The following PJA2 variants were observed in gnomAD, a reference collection of about 807,000 sequenced individuals.
PJA2 encodes the protein E3 ubiquitin-protein ligase Praja-2.
A neutral mutation model predicts 69.3 loss-of-function variants in PJA2; 25 were observed. That is an observed-to-expected ratio of 0.36 (90% CI 0.26 to 0.50). The LOEUF is 0.50. Among genes scored for constraint, PJA2 ranks in the 20% least tolerant of loss-of-function variants. The probability of loss-of-function intolerance (pLI) is 0.96; values close to 1 mark genes in which losing one functional copy is unlikely to be tolerated. For missense variants in PJA2, 809 were observed against 830.2 expected, an observed-to-expected ratio of 0.97 and a Z score of 0.31; for synonymous variants, 308 against 277.8, an observed-to-expected ratio of 1.11 and a Z score of -1.08.
At chr5:109,376,446 T>C (rs1746889982) in intron 4 of PJA2, among the ~76,000 whole-genome samples, 1 of 151,874 alleles carries the variant, frequency 6.6e-6, no homozygotes, top group Non-Finnish European at 1.5e-5. Context: ...CAATTTAAAA[T>C]CAAGGAGCCA....
At chr5:109,354,276 ATAGAT>A (rs1762357365) in intron 7 of PJA2, among the ~76,000 whole-genome samples, 1 of 148,146 alleles carries the variant, frequency 6.8e-6, no homozygotes, top group Non-Finnish European at 1.5e-5. Flanking sequence ...AGAGATATCT[ATAGAT>A]TAGATATCTA....
chr5:109,349,617 C>A (rs977895380), intron 7 of PJA2, among the ~76,000 whole-genome samples: 1 of 152,150 alleles, frequency 6.6e-6, no homozygotes, highest in Admixed American at 6.5e-5. Flanking sequence ...GCAAGTTTCA[C>A]CAGCACATAC....
At chr5:109,398,237 A>T (rs549172241) in intron 1 of PJA2, among the ~76,000 whole-genome samples, 2 of 152,272 alleles carry the variant, frequency 1.3e-5, no homozygotes, top group South Asian at 2.1e-4. Flanking sequence ...AAGGATCTAG[A>T]ATTAGAAATA....
intron 9 of PJA2, among the ~76,000 whole-genome samples, chr5:109,342,357 C>A (rs1325326638): frequency 1.6e-5 from 2 of 123,066 alleles, no homozygotes; most frequent in African/African-American, 6.4e-5. Context: ...CGGCCAGCCG[C>A]CCCGTCCGGG....
chr5:109,403,075 A>G (rs898851161), intron 1 of PJA2, among the ~76,000 whole-genome samples: 1 of 152,126 alleles, frequency 6.6e-6, no homozygotes, highest in Non-Finnish European at 1.5e-5. Flanking sequence ...AAAGCAATCA[A>G]ATAAAAAGTT....
Position 109,344,837 on chromosome 5 carries a change from C to G in PJA2, c.1765-18G>C. ...AGAGCAGTCTGAAAAACAAAAGGTACAGTTCTTTGTTAGAAATACTTTAAA... is the reference window on the plus strand; with the variant it reads ...AGAGCAGTCTGAAAAACAAAAGGTAGAGTTCTTTGTTAGAAATACTTTAAA... On this transcript the variant is annotated intron_variant, in intron 7 of 9. Coordinates refer to ENST00000361189, the MANE Select transcript of PJA2 (RefSeq NM_014819.5). The G allele has an allele frequency of 6.6e-7, 1 of 1,515,540 alleles. No individual in the cohort carries two copies. The highest frequency in any genetic ancestry group is 9.1e-7 in the Non-Finnish European group (1 of 1,098,628). The allele number at this position is 1,515,540 out of a possible 1,614,324, so 93.9% of individuals were successfully genotyped here.
intron 1 of PJA2, chr5:109,390,757 TCC>T (rs1747264290): frequency 6.6e-6 from 1 of 152,164 alleles, no homozygotes; most frequent in Admixed American, 6.5e-5. Flanking sequence ...TTAGTGGTTT[TCC>T]TAGAAATTAC....
At chr5:109,400,659 T>C (rs970600196) in intron 1 of PJA2, among the ~76,000 whole-genome samples, 4 of 152,124 alleles carry the variant, frequency 2.6e-5, no homozygotes, top group African/African-American at 9.7e-5. Context: ...TATCCCAAGA[T>C]GTTAACATCT....
intron 1 of PJA2, among the ~76,000 whole-genome samples, chr5:109,388,854 C>G (rs964672642): frequency 6.6e-6 from 1 of 152,234 alleles, no homozygotes; most frequent in Non-Finnish European, 1.5e-5. Flanking sequence ...TTAACTTACC[C>G]TGCATTTCCT....
intron 3 of PJA2, among the ~76,000 whole-genome samples, chr5:109,380,804 CAAA>C (rs34675958): frequency 1.5e-4 from 13 of 88,728 alleles, no homozygotes; most frequent in African/African-American, 4.8e-4. Context: ...GATTCCATCT[CAAA>C]AAAAAAAAAA....
intron 9 of PJA2, among the ~76,000 whole-genome samples, chr5:109,343,850 C>G (rs1263224546): frequency 6.6e-6 from 1 of 152,124 alleles, no homozygotes; most frequent in East Asian, 1.9e-4. Flanking sequence ...AATCCCAGCA[C>G]TTTGGGAGGC....
At chr5:109,372,363 T>C (rs1010855305) in intron 4 of PJA2, among the ~76,000 whole-genome samples, 11 of 151,860 alleles carry the variant, frequency 7.2e-5, no homozygotes, top group African/African-American at 2.7e-4. Flanking sequence ...TTATAATCAC[T>C]TCACCTTTTC....
intron 1 of PJA2, among the ~76,000 whole-genome samples, chr5:109,388,429 G>A (rs1315202921): frequency 1.3e-5 from 2 of 152,148 alleles, no homozygotes; most frequent in Non-Finnish European, 2.9e-5. Flanking sequence ...AACCCACTGG[G>A]ACTATGTGAT....
At chr5:109,354,983 C>G (rs1432670411) in intron 7 of PJA2, among the ~76,000 whole-genome samples, 1 of 151,880 alleles carries the variant, frequency 6.6e-6, no homozygotes, top group African/African-American at 2.4e-5. Context: ...AAAACCAGGT[C>G]TGATGGCCCG....
intron 7 of PJA2, among the ~76,000 whole-genome samples, chr5:109,349,279 C>T (rs1461997090): frequency 6.6e-6 from 1 of 152,176 alleles, no homozygotes; most frequent in African/African-American, 2.4e-5. Flanking sequence ...AAAATCTGGG[C>T]TGTTTAAATA....
At chr5:109,375,501 C>CT (rs1246379251) in intron 4 of PJA2, among the ~76,000 whole-genome samples, 1 of 151,936 alleles carries the variant, frequency 6.6e-6, no homozygotes, top group Non-Finnish European at 1.5e-5. Flanking sequence ...GAGAGAAACT[C>CT]TGTCTCGAAA....
rs187080546 is a variant in PJA2 at position 109,361,979 on chromosome 5, T to C, written c.1652+861A>G. Among the ~76,000 whole-genome samples, 206 of 152,362 alleles carry C rather than the reference T, an allele frequency of 1.4e-3. 1 individual carries two copies. The highest frequency in any genetic ancestry group is 4.8e-3 in the African/African-American group (198 of 41,588). On this transcript the variant is annotated intron_variant, in intron 6 of 9. Coordinates refer to ENST00000361189, the MANE Select transcript of PJA2 (RefSeq NM_014819.5). The stretch of plus-strand genomic sequence containing the variant: ...AAAAGAGGACTTAAAACATATGTTC[T>C]GGAAACCTGAAGAGATATCAGGAGA...
chr5:109,373,619 A>G (rs573644438), intron 4 of PJA2, among the ~76,000 whole-genome samples: 1 of 152,304 alleles, frequency 6.6e-6, no homozygotes, highest in South Asian at 2.1e-4. Flanking sequence ...AACAGTGAAG[A>G]TCCATTTGTT....
At chr5:109,342,359 CCG>C (rs1762084795) in intron 9 of PJA2, among the ~76,000 whole-genome samples, 1 of 123,062 alleles carries the variant, frequency 8.1e-6, no homozygotes, top group African/African-American at 3.2e-5. Context: ...GCCAGCCGCC[CCG>C]TCCGGGAGGG....
Sources: allele counts gnomAD v4.1 joint callset (sites outside exome capture counted in the v4.1 genomes callset), GRCh38; gene constraint gnomAD v4.1.1; transcripts MANE v1.5; gene names NCBI Gene and HGNC (gene_info 2026-07-23, HGNC 2026-07-21).